Variants in PBX1 observed in about 807,000 individuals in gnomAD.
PBX1 encodes the protein PBX homeobox 1.
In PBX1, 6 loss-of-function variants were observed where a neutral mutation model predicts 53.4. That is an observed-to-expected ratio of 0.11 (90% CI 0.06 to 0.22). The LOEUF (loss-of-function observed/expected upper bound fraction) is 0.22, where lower values mean the gene tolerates loss of function less well. PBX1 is among the 10% of genes least tolerant of loss of function. The probability of loss-of-function intolerance (pLI) is 1.00; values close to 1 mark genes in which losing one functional copy is unlikely to be tolerated. For synonymous variants in PBX1, 204 were observed against 212.3 expected, an observed-to-expected ratio of 0.96 and a Z score of 0.34; for missense variants, 251 against 551.4, an observed-to-expected ratio of 0.46 and a Z score of 5.46.
chr1:164,687,787 G>A (rs1662208787), intron 2 of PBX1, among the ~76,000 whole-genome samples: 1 of 152,140 alleles, frequency 6.6e-6, no homozygotes, highest in African/African-American at 2.4e-5. Flanking sequence ...ATTGGCTTCT[G>A]GCACTTAGTT....
chr1:164,567,878 G>C (rs1374454136), intron 2 of PBX1, among the ~76,000 whole-genome samples: 2 of 152,138 alleles, frequency 1.3e-5, no homozygotes, highest in Non-Finnish European at 2.9e-5. Flanking sequence ...TGAAGGATCT[G>C]GAAGGGGATT....
chr1:164,599,250 AATT>A (rs1655994885), intron 2 of PBX1, among the ~76,000 whole-genome samples: 2 of 151,334 alleles, frequency 1.3e-5, no homozygotes, highest in Non-Finnish European at 2.9e-5. Context: ...TTTTTTTTAA[AATT>A]AATTAATTAT....
At chr1:164,575,005 G>T (rs1386628623) in intron 2 of PBX1, among the ~76,000 whole-genome samples, 1 of 152,108 alleles carries the variant, frequency 6.6e-6, no homozygotes, top group Non-Finnish European at 1.5e-5. Flanking sequence ...AAGCATTCAG[G>T]ATCCCATTTA....
intron 4 of PBX1, among the ~76,000 whole-genome samples, chr1:164,805,098 T>A (rs1669282438): frequency 1.3e-5 from 2 of 152,178 alleles, no homozygotes; most frequent in South Asian, 4.1e-4. Flanking sequence ...CCATGGACCC[T>A]GTGATTCAAA....
chr1:164,881,348 GGAAGGAAGGAAGGAGGAAAA>G lies in PBX1; in HGVS notation n.258-17825_258-17806del, dbSNP rs1386270242. On this transcript the variant is annotated intron_variant and non_coding_transcript_variant, in intron 2 of 2. Transcript: ENST00000558796. Reference sequence around the variant, plus strand: ...AGGAGGAAAAGAAGGAAGGAAGGAAGGAAGGAAGGAAGGAGGAAAAGAAGGAAGGAAGGAAGGAAGGAAGG... The same window carrying G: ...AGGAGGAAAAGAAGGAAGGAAGGAAGGAAGGAAGGAAGGAAGGAAGGAAGG... 6.4e-3 allele frequency among the ~76,000 whole-genome samples: 621 copies of G among 97,114 alleles called. 32 individuals are homozygous for G. The highest frequency in any genetic ancestry group is 0.021 in the African/African-American group (574 of 27,872). The allele number at this position is 97,114 out of a possible 152,430, so 63.7% of individuals were successfully genotyped here. A position where few individuals can be genotyped will look rare whatever the true frequency, so the allele number is the denominator to read the frequency against.
rs536084786 is a variant in PBX1, at chr1:164,767,997, A to G, written c.266-24497A>G. 4.2e-3 allele frequency among the ~76,000 whole-genome samples: 635 copies of G among 150,950 alleles called. 3 individuals are homozygous for G. Among genetic ancestry groups the G allele is most frequent in the Non-Finnish European group, 5.9e-3 (397 of 67,580 alleles). On this transcript the variant is annotated intron_variant, in intron 2 of 8. Transcript: ENST00000420696. The stretch of plus-strand genomic sequence containing the variant: ...GGAGGATATTTTTTGGTCTTTCCAT[A>G]TATACTTTTTTTTTTTCCACATCAG...
intron 2 of PBX1, among the ~76,000 whole-genome samples, chr1:164,674,230 G>A (rs772023782): frequency 6.6e-6 from 1 of 152,082 alleles, no homozygotes; most frequent in Non-Finnish European, 1.5e-5. Context: ...ACAGGTTCCC[G>A]TTTGCAACAT....
chr1:164,561,018 T>C (rs537582321), intron 1 of PBX1, among the ~76,000 whole-genome samples: 1 of 152,310 alleles, frequency 6.6e-6, no homozygotes, highest in African/African-American at 2.4e-5. Context: ...AAATTCTCTT[T>C]TAAAGTAAAA....
chr1:164,810,963 A>G (rs1048483163), intron 5 of PBX1, among the ~76,000 whole-genome samples: 1 of 152,170 alleles, frequency 6.6e-6, no homozygotes, highest in Non-Finnish European at 1.5e-5. Flanking sequence ...AATGCGTTTA[A>G]AAAATTAAGT....
intron 2 of PBX1, chr1:164,884,712 A>G: frequency 3.4e-6 from 1 of 295,774 alleles, no homozygotes; most frequent in Non-Finnish European, 6.5e-6. Context: ...CATATCAGCC[A>G]AAAAACTCTG....
chr1:164,569,813 G>A (rs754828927), intron 2 of PBX1, among the ~76,000 whole-genome samples: 33 of 151,926 alleles, frequency 2.2e-4, no homozygotes, highest in Non-Finnish European at 3.7e-4. Context: ...CGCCTGCCTC[G>A]GCCTCCCAGT....
At chr1:164,769,949 A>T (rs1321408617) in intron 2 of PBX1, 1 of 152,178 alleles carries the variant, frequency 6.6e-6, no homozygotes, top group African/African-American at 2.4e-5. Flanking sequence ...GCTTATCTGA[A>T]TTCCTGGTGT....
chr1:164,563,697 GGGGTGCTAAACTGTTGA>G (rs1205713511), intron 2 of PBX1, among the ~76,000 whole-genome samples: 1 of 152,064 alleles, frequency 6.6e-6, no homozygotes, highest in African/African-American at 2.4e-5. Context: ...GTTGGGTGTG[GGGGTGCTAAACTGTTGA>G]AAGTTTCCTT....
At chr1:164,792,361 T>G (rs2102301793) in intron 2 of PBX1, 133 bp from the exon 3 acceptor site, 1 of 1,449,208 alleles carries the variant, frequency 6.9e-7, no homozygotes, top group Admixed American at 2.6e-5. Context: ...TTTTCCAGCC[T>G]TTCTTCTATT....
rs373444499 is a variant in PBX1 at position 164,802,548 on chromosome 1, G to A, written c.701+2659G>A. On this transcript the variant is annotated intron_variant, in intron 4 of 8. Transcript: ENST00000420696. ...AGGCTTTAATCGAATCTTCCCTTTC[G>A]TTTACTCAAAGTCAGCTGATGAGGA... 8.5e-5 allele frequency among the ~76,000 whole-genome samples: 13 copies of A among 152,180 alleles called. No homozygotes were observed. In the South Asian group the frequency reaches 2.1e-3, roughly 24 times the overall value.
chr1:164,837,068 G>A (rs145583960), intron 8 of PBX1, among the ~76,000 whole-genome samples: 8 of 152,284 alleles, frequency 5.3e-5, no homozygotes, highest in African/African-American at 1.7e-4. Context: ...TGGATGGTCA[G>A]AAAAGTGTAA....
At chr1:164,670,648 AAGAG>A (rs908611648) in intron 2 of PBX1, among the ~76,000 whole-genome samples, 2 of 152,174 alleles carry the variant, frequency 1.3e-5, no homozygotes, top group African/African-American at 2.4e-5. Context: ...TGCCAAGACT[AAGAG>A]AGAGAAAGGG....
At chr1:164,631,017 C>G (rs1020938724) in intron 2 of PBX1, 1 of 152,322 alleles carries the variant, frequency 6.6e-6, no homozygotes, top group Admixed American at 6.5e-5. Context: ...TCAGGAAGCC[C>G]TGGGGACCTC....
At chr1:164,739,753 ATG>A (rs57602745) in intron 2 of PBX1, among the ~76,000 whole-genome samples, 4,585 of 142,560 alleles carry the variant, frequency 0.032, 121 homozygotes, top group African/African-American at 0.07. Flanking sequence ...GTGGTTGTGC[ATG>A]TGTGTGTGTG....
Sources: allele counts gnomAD v4.1 joint callset (sites outside exome capture counted in the v4.1 genomes callset), GRCh38; gene constraint gnomAD v4.1.1; transcripts MANE v1.5; gene names NCBI Gene and HGNC (gene_info 2026-07-23, HGNC 2026-07-21).